The following YTHDF2 variants were observed in gnomAD, a reference collection of about 807,000 sequenced individuals.
YTHDF2 encodes YTH domain-containing family protein 2.
A neutral mutation model predicts 50.4 loss-of-function variants in YTHDF2; 2 were observed. The ratio of observed to expected loss-of-function variants is 0.04; its 90% confidence interval spans 0.02 to 0.12. The LOEUF is 0.12. Among genes scored for constraint, YTHDF2 ranks in the 10% least tolerant of loss-of-function variants. The pLI is 1.00. For synonymous variants in YTHDF2, 217 were observed against 255.6 expected, an observed-to-expected ratio of 0.85 and a Z score of 1.44; for missense variants, 483 against 722.6, an observed-to-expected ratio of 0.67 and a Z score of 3.80.
intron 4 of YTHDF2, among the ~76,000 whole-genome samples, chr1:28,757,867 A>C (rs1029858178): frequency 6.6e-6 from 1 of 151,944 alleles, no homozygotes; most frequent in Non-Finnish European, 1.5e-5. Flanking sequence ...TCTTTTTCTT[A>C]GTGCTTTAGG....
chr1:28,746,593 CAAA>C (rs35500198), intron 4 of YTHDF2, among the ~76,000 whole-genome samples: 213 of 132,486 alleles, frequency 1.6e-3, no homozygotes, highest in Admixed American at 3.6e-3. Flanking sequence ...AAAAATACTA[CAAA>C]AAAAAAAAAA....
chr1:28,768,856 TGTGAA>T, intron 4 of YTHDF2, 68 bp from the exon 5 acceptor site: 5 of 1,157,456 alleles, frequency 4.3e-6, no homozygotes, highest in Non-Finnish European at 6.2e-6. Context: ...TGAGTTATTC[TGTGAA>T]GTTTTTAAAT....
intron 4 of YTHDF2, among the ~76,000 whole-genome samples, chr1:28,763,014 A>T (rs541382156): frequency 6.6e-6 from 1 of 151,364 alleles, no homozygotes; most frequent in South Asian, 2.1e-4. Flanking sequence ...TTTAGTAGAG[A>T]TGGGGTTTCA....
At position 28,743,943 on chromosome 1, in the gene YTHDF2, C is replaced by T. The variant is rs1187724919; in HGVS notation, c.1673C>T (p.Ser558Leu). The T allele has an allele frequency of 4.4e-6, 7 of 1,574,492 alleles. No homozygotes were observed. Among genetic ancestry groups the T allele is most frequent in the Admixed American group, 3.9e-5 (2 of 51,672 alleles). Residue 558 changes from serine (S) to leucine (L), a missense_variant, in exon 4 of 5, where the codon TCA (serine) becomes TTA (leucine). Ser to Leu is a moderately radical substitution (Grantham distance 145). Around this residue, in one of 4 missense-constraint regions of YTHDF2, gnomAD observed 38 missense variants for 60.1 expected, o/e 0.63. Coordinates refer to ENST00000373812, the MANE Select transcript of YTHDF2 (RefSeq NM_016258.3). The surrounding 1 kb of genome is among the most constrained non-coding windows in gnomAD (Gnocchi z 6.9). ...ACCACTTCCATTTTTGATGACTTCT[C>T]ACACTATGAGAAACGCCAAGAGGAA... ...KHTTSIFDDF[S>L]HYEKRQEEEE...
chr1:28,740,319 C>T (rs2087756847), intron 3 of YTHDF2: 1 of 152,144 alleles, frequency 6.6e-6, no homozygotes, highest in Non-Finnish European at 1.5e-5. Context: ...CATGTGGGAG[C>T]CTGCCAGTTC....
intron 4 of YTHDF2, among the ~76,000 whole-genome samples, chr1:28,746,464 C>T (rs937573831): frequency 2.0e-5 from 3 of 151,890 alleles, no homozygotes; most frequent in Non-Finnish European, 4.4e-5. Context: ...GCAGGCTGGG[C>T]GCAGGTGGCT....
intron 1 of YTHDF2, chr1:28,737,380 C>G (rs1309001100): frequency 1.6e-6 from 1 of 627,966 alleles, no homozygotes; most frequent in Non-Finnish European, 2.6e-6. Context: ...TCCCTTCTCT[C>G]GGCGGGCCTC....
chr1:28,736,956 G>C lies in YTHDF2; in HGVS notation c.-165G>C. 1.2e-6 allele frequency: 1 copy of C among 803,382 alleles called. No homozygotes were observed. Among genetic ancestry groups the C allele is most frequent in the African/African-American group, 1.8e-5 (1 of 55,484 alleles). 49.8% of individuals were successfully genotyped at this position (803,382 alleles called of 1,614,324 possible). ...TCTTGGGCTAGAGCGTCGCCGAGTC[G>C]GAGCCGGAGCCTGAGCCGCGCGCTG... On this transcript the variant is annotated 5_prime_UTR_variant, in exon 1 of 5. Coordinates refer to ENST00000373812, the MANE Select transcript of YTHDF2 (RefSeq NM_016258.3).
chr1:28,737,756 C>A, intron 2 of YTHDF2, 74 bp downstream of exon 2: 1 of 1,576,134 alleles, frequency 6.3e-7, no homozygotes, highest in Non-Finnish European at 8.6e-7. Flanking sequence ...CTCCGGGAAG[C>A]GCCCCGGGCG....
intron 1 of YTHDF2, 179 bp from the exon 2 acceptor site, chr1:28,737,479 C>T (rs558431990): frequency 4.7e-6 from 4 of 848,284 alleles, no homozygotes; most frequent in African/African-American, 3.6e-5. Context: ...CTCCCCTGCC[C>T]CACGGGCCTG....
Position 28,742,493 on chromosome 1 carries a change from T to C in YTHDF2, c.223T>C (p.Trp75Arg). 6.2e-7 allele frequency: 1 copy of C among 1,613,900 alleles called. No individual in the cohort carries two copies. Among genetic ancestry groups the C allele is most frequent in the Non-Finnish European group, 8.5e-7 (1 of 1,179,932 alleles). Residue 75 changes from tryptophan to arginine, a missense_variant, in exon 4 of 5, where the codon TGG becomes CGG. This residue lies in a region of YTHDF2 where 385 missense variants were observed against 475.8 expected (regional missense o/e 0.81). Transcript: ENST00000373812. The part of the protein sequence containing the change: ...GFSYSLGEAA[W>R]STGGDTAMPY... ...CTCCTATTCTTTGGGTGAAGCTGCTTGGTCTACGGGGGGTGACACAGCCAT... is the reference window on the plus strand; with the variant it reads ...CTCCTATTCTTTGGGTGAAGCTGCTCGGTCTACGGGGGGTGACACAGCCAT...
At chr1:28,737,201 ACTAGGCCCGGGCCCG>A in intron 1 of YTHDF2, 54 bp downstream of exon 1, 1 of 1,516,110 alleles carries the variant, frequency 6.6e-7, no homozygotes, top group Non-Finnish European at 8.8e-7. Context: ...AAGGAGCCCG[ACTAGGCCCGGGCCCG>A]CCGCTCCTGG....
chr1:28,751,090 C>CTAAAAAAA (rs2087945127), intron 4 of YTHDF2, among the ~76,000 whole-genome samples: 1 of 33,766 alleles, frequency 3.0e-5, no homozygotes, highest in African/African-American at 1.6e-4. Context: ...GAGACTGTCT[C>CTAAAAAAA]AAAAAAAAAA....
At chr1:28,763,858 A>C (rs188087619) in intron 4 of YTHDF2, among the ~76,000 whole-genome samples, 1 of 129,592 alleles carries the variant, frequency 7.7e-6, no homozygotes. Context: ...ATTTTTTCAA[A>C]GAACCAACTT....
At chr1:28,762,488 G>A (rs2088151519) in intron 4 of YTHDF2, among the ~76,000 whole-genome samples, 1 of 152,202 alleles carries the variant, frequency 6.6e-6, no homozygotes, top group Non-Finnish European at 1.5e-5. Flanking sequence ...TTCTTTCAAG[G>A]TTCATGGGGG....
chr1:28,760,382 C>T lies in YTHDF2; in HGVS notation c.1717-8547C>T, dbSNP rs113855601. ...CTATCTTGGCTCACTGCAAGCTCCA[C>T]GTCCCAGGTTCACACCATTCTCCTG... On this transcript the variant is annotated intron_variant, in intron 4 of 4. Transcript: ENST00000373812. Among the ~76,000 whole-genome samples the T allele has an allele frequency of 2.8e-3, 426 of 151,920 alleles. 1 individual carries two copies. Among genetic ancestry groups the T allele is most frequent in the African/African-American group, 9.3e-3 (386 of 41,396 alleles).
intron 4 of YTHDF2, among the ~76,000 whole-genome samples, chr1:28,756,889 C>A (rs1003240926): frequency 6.6e-6 from 1 of 152,146 alleles, no homozygotes; most frequent in Non-Finnish European, 1.5e-5. Flanking sequence ...AAGCTCTGTT[C>A]TTTGAATTAG....
intron 4 of YTHDF2, 59 bp downstream of exon 4, chr1:28,744,045 A>G: frequency 6.8e-7 from 1 of 1,478,538 alleles, no homozygotes; most frequent in South Asian, 1.4e-5. Flanking sequence ...AGAACAGAAG[A>G]GGTATTATAT....
intron 4 of YTHDF2, among the ~76,000 whole-genome samples, chr1:28,765,475 G>A (rs2088202324): frequency 6.6e-6 from 1 of 152,076 alleles, no homozygotes; most frequent in Non-Finnish European, 1.5e-5. Context: ...TGCCAGGCTA[G>A]AATGTAGCGG....
Sources: allele counts gnomAD v4.1 joint callset (sites outside exome capture counted in the v4.1 genomes callset), GRCh38; gene constraint gnomAD v4.1.1; regional missense constraint gnomAD v4.1.1; non-coding constraint Gnocchi (gnomAD v3.1); transcripts MANE v1.5; gene names NCBI Gene and HGNC (gene_info 2026-07-23, HGNC 2026-07-21).